The following CPSF4L variants were observed in gnomAD, a reference collection of about 807,000 sequenced individuals.
CPSF4L encodes cleavage and polyadenylation specific factor 4 like, also known as putative cleavage and polyadenylation specificity factor subunit 4-like protein.
In CPSF4L, 18 loss-of-function variants were observed where a neutral mutation model predicts 24.0. That is an observed-to-expected ratio of 0.75 (90% CI 0.52 to 1.11). The LOEUF (loss-of-function observed/expected upper bound fraction) is 1.11. Among genes scored for constraint, CPSF4L ranks in the 50% least tolerant of loss-of-function variants. The pLI is 0.00. For synonymous variants in CPSF4L, 72 were observed against 77.2 expected (o/e 0.93, Z 0.35); for missense variants, 211 against 221.8 (o/e 0.95, Z 0.31).
At chr17:73,251,107 G>C (rs556797242) in intron 5 of CPSF4L, 2 of 1,541,168 alleles carry the variant, frequency 1.3e-6, no homozygotes, top group South Asian at 1.2e-5. Flanking sequence ...GCAAGCTACA[G>C]CTGAAGTGCA....
Position 73,252,676 on chromosome 17 carries a change from A to T in CPSF4L, c.451T>A (p.Tyr151Asn). 1.3e-6 allele frequency: 2 copies of T among 1,551,592 alleles called. No individual in the cohort carries two copies. Among genetic ancestry groups the T allele is most frequent in the Non-Finnish European group, 1.7e-6 (2 of 1,146,910 alleles). Residue 151 changes from tyrosine (Y) to asparagine (N), a missense_variant, in exon 5 of 6, where the codon TAT (tyrosine) becomes AAT (asparagine). Physicochemically the swap from Tyr to Asn is moderately radical, Grantham distance 143. Coordinates refer to ENST00000344935, the MANE Select transcript of CPSF4L (RefSeq NM_001129885.1). ...CCCTCGGGGCAGAAGCCAACTAAATAGTTGAGACACATTATTCTGGGGACA... is the reference window on the plus strand; with the variant it reads ...CCCTCGGGGCAGAAGCCAACTAAATTGTTGAGACACATTATTCTGGGGACA... Reference protein sequence around the residue: ...RHVPRIMCLNYLVGFCPEGPK... With the variant: ...RHVPRIMCLNNLVGFCPEGPK...
intron 5 of CPSF4L, among the ~76,000 whole-genome samples, chr17:73,251,812 T>C (rs1343831833): frequency 6.6e-6 from 1 of 152,258 alleles, no homozygotes; most frequent in Non-Finnish European, 1.5e-5. Flanking sequence ...CACTTGGGTC[T>C]ATAGAGTGTG....
chr17:73,242,294 G>A, the CPSF4L span: 844,325 of 1,601,460 alleles, frequency 0.53, 224,447 homozygotes, highest in East Asian at 0.64. Flanking sequence ...GGAACCCCCT[G>A]CCGGACTTAC....
intron 5 of CPSF4L, chr17:73,250,823 A>C: frequency 3.5e-6 from 2 of 563,534 alleles, no homozygotes; most frequent in South Asian, 7.7e-5. Flanking sequence ...GGAGATGCCA[A>C]CAGGATGGTT....
At chr17:73,248,561 G>T (rs142437148) in intron 5 of CPSF4L, 25 bp from the exon 6 acceptor site, 1 of 1,551,016 alleles carries the variant, frequency 6.4e-7, no homozygotes, top group South Asian at 1.2e-5. Flanking sequence ...CAAATGCAGC[G>T]TGAGAATCCA....
the CPSF4L span, chr17:73,243,077 A>ATTTTTTTTTTTTTTTTTTT: frequency 4.6e-6 from 2 of 438,588 alleles, no homozygotes; most frequent in Admixed American, 4.2e-5. Flanking sequence ...GATTCTCTGA[A>ATTTTTTTTTTTTTTTTTTT]TTTTTTTTTT....
intron 5 of CPSF4L, chr17:73,248,888 T>C (rs2061988573): frequency 4.4e-6 from 1 of 228,330 alleles, no homozygotes; most frequent in African/African-American, 2.3e-5. Context: ...GCAGACTCTT[T>C]TATACTTTAT....
intron 2 of CPSF4L, among the ~76,000 whole-genome samples, chr17:73,258,336 C>T (rs116385405): frequency 0.013 from 2,036 of 151,566 alleles, 50 homozygotes; most frequent in African/African-American, 0.047. Context: ...GATGGCGTCT[C>T]GCTCTGTTGC....
At chr17:73,248,601 C>T (rs1257800787) in intron 5 of CPSF4L, 65 bp from the exon 6 acceptor site, 6 of 1,503,146 alleles carry the variant, frequency 4.0e-6, no homozygotes, top group Admixed American at 2.0e-5. Context: ...CCTTCCCATC[C>T]ATCCCGCAGA....
intron 1 of CPSF4L, among the ~76,000 whole-genome samples, chr17:73,261,461 A>C (rs573594055): frequency 1.3e-5 from 2 of 152,314 alleles, no homozygotes; most frequent in Admixed American, 6.5e-5. Context: ...GGAGATTGAG[A>C]CCATCCTGGC....
chr17:73,260,767 AAAAT>A (rs1383912767), intron 2 of CPSF4L, among the ~76,000 whole-genome samples, 162 bp downstream of exon 2: 2 of 152,204 alleles, frequency 1.3e-5, no homozygotes, highest in Admixed American at 6.5e-5. Context: ...ATTCCATCTA[AAAAT>A]AAATAAATAA....
chr17:73,251,261 T>C (rs1236375686), intron 5 of CPSF4L, among the ~76,000 whole-genome samples: 3 of 152,222 alleles, frequency 2.0e-5, no homozygotes, highest in Non-Finnish European at 4.4e-5. Flanking sequence ...AGCATACCTT[T>C]CCATCAAAGT....
downstream of CPSF4L, among the ~76,000 whole-genome samples, chr17:73,245,983 T>C (rs1021155177): frequency 2.2e-4 from 33 of 152,246 alleles, no homozygotes; most frequent in African/African-American, 7.7e-4. Context: ...CTGTGTCTCT[T>C]CATCTCATCA....
the CPSF4L span, chr17:73,242,800 CCA>C: frequency 9.3e-6 from 8 of 857,108 alleles, no homozygotes; most frequent in African/African-American, 1.7e-5. Flanking sequence ...AATTACAGTT[CCA>C]TCACTCAGGC....
chr17:73,250,048 T>C (rs2061998291), intron 5 of CPSF4L: 1 of 484,764 alleles, frequency 2.1e-6, no homozygotes, highest in Non-Finnish European at 3.6e-6. Flanking sequence ...TTCCTGCCAA[T>C]CTGCCTCCAA....
chr17:73,252,598 G>T (rs1194957821), intron 5 of CPSF4L, 32 bp downstream of exon 5: 1 of 1,340,416 alleles, frequency 7.5e-7, no homozygotes, highest in Non-Finnish European at 1.0e-6. Flanking sequence ...TAGCACTCTG[G>T]TGGGAGTTGG....
At chr17:73,245,198 C>T (rs376657737), downstream of CPSF4L, 2 of 1,613,402 alleles carry the variant, frequency 1.2e-6, no homozygotes, top group African/African-American at 1.3e-5. Flanking sequence ...TAGTGTTGAC[C>T]TGGACATCAC....
At chr17:73,243,893 C>G (rs1171174111), downstream of CPSF4L, among the ~76,000 whole-genome samples, 1 of 152,154 alleles carries the variant, frequency 6.6e-6, no homozygotes, top group Non-Finnish European at 1.5e-5. Flanking sequence ...TTACCCTGCT[C>G]CAATGGAAGG....
At chr17:73,245,247 G>A (rs1001615001), downstream of CPSF4L, 36 of 1,607,146 alleles carry the variant, frequency 2.2e-5, no homozygotes, top group Non-Finnish European at 2.7e-5. Context: ...CAGTGGAGAC[G>A]ACTGCAATAC....
Sources: allele counts gnomAD v4.1 joint callset (sites outside exome capture counted in the v4.1 genomes callset), GRCh38; gene constraint gnomAD v4.1.1; transcripts MANE v1.5; gene names NCBI Gene and HGNC (gene_info 2026-07-23, HGNC 2026-07-21).